The following TLE6 variants were observed in gnomAD, a reference collection of about 807,000 sequenced individuals.
TLE6 encodes the protein transducin-like enhancer protein 6.
A neutral mutation model predicts 77.1 loss-of-function variants in TLE6; 72 were observed. The ratio of observed to expected loss-of-function variants is 0.93; its 90% CI spans 0.77 to 1.14. TLE6 has a LOEUF of 1.14. Among genes scored for constraint, TLE6 ranks in the 50% most tolerant of loss-of-function variants. The probability of loss-of-function intolerance (pLI) is 0.00; values close to 1 mark genes in which losing one functional copy is unlikely to be tolerated. For missense variants in TLE6, 843 were observed against 747.6 expected (o/e 1.13, Z -1.49); for synonymous variants, 366 against 287.3 (o/e 1.27, Z -2.77).
At chr19:2,988,062 G>C in intron 10 of TLE6, 29 bp from the exon 11 acceptor site, 1 of 1,555,058 alleles carries the variant, frequency 6.4e-7, no homozygotes, top group African/African-American at 1.4e-5. Flanking sequence ...GGGGAGGCTG[G>C]GGGCAGCTGT....
intron 14 of TLE6, among the ~76,000 whole-genome samples, chr19:2,992,276 G>A (rs548716957): frequency 2.6e-5 from 4 of 151,990 alleles, no homozygotes; most frequent in Non-Finnish European, 2.9e-5. Flanking sequence ...AGTTCAAGAC[G>A]AGCCTGACCA....
intron 14 of TLE6, 54 bp downstream of exon 14, chr19:2,992,038 TA>T (rs1419275497): frequency 1.9e-6 from 3 of 1,596,700 alleles, no homozygotes; most frequent in Non-Finnish European, 2.6e-6. Flanking sequence ...GTCCTCAGAT[TA>T]AAAAATGAGG....
chr19:2,991,006 T>TTACATACATACA (rs200186447), intron 13 of TLE6, among the ~76,000 whole-genome samples: 197 of 103,144 alleles, frequency 1.9e-3, no homozygotes, highest in African/African-American at 5.9e-3. Flanking sequence ...AAAAAAAATT[T>TTACATACATACA]TACATACATA....
intron 13 of TLE6, 96 bp downstream of exon 13, chr19:2,989,881 C>T: frequency 6.6e-7 from 1 of 1,525,224 alleles, no homozygotes; most frequent in Non-Finnish European, 8.9e-7. Context: ...CGCCTTCCTG[C>T]CACCTCCTGA....
rs752294085 is a variant in TLE6, at chr19:2,989,502, G to T, written c.994-33G>T. 6 of 1,594,444 alleles carry T rather than the reference G, an allele frequency of 3.8e-6. No homozygotes were observed. The African/African-American group carries it at 5.4e-5, about 14-fold the overall frequency. Reference sequence around the variant, plus strand: ...GCAGTCCAGGCAGAATGCCACGGGGGGCGACAGCTCACAGTGACTCTGCCC... The same window carrying T: ...GCAGTCCAGGCAGAATGCCACGGGGTGCGACAGCTCACAGTGACTCTGCCC... On this transcript the variant is annotated intron_variant, in intron 12 of 16. Transcript: ENST00000246112.
intron 8 of TLE6, 122 bp from the exon 9 acceptor site, chr19:2,987,586 TCTCTCTGCAACTCTGC>T (rs888660029): frequency 2.6e-6 from 3 of 1,145,546 alleles, no homozygotes; most frequent in Admixed American, 3.8e-5. Flanking sequence ...ACCCTGACTC[TCTCTCTGCAACTCTGC>T]CTGGACCCGC....
At chr19:2,988,483 A>T (rs1318410480) in intron 11 of TLE6, among the ~76,000 whole-genome samples, 5 of 152,106 alleles carry the variant, frequency 3.3e-5, no homozygotes, top group Admixed American at 1.3e-4. Flanking sequence ...CTTTAGTCCC[A>T]GCTACTCGGG....
chr19:2,993,428 C>A lies in TLE6; in HGVS notation c.1387-4C>A. ...TTCCTCCCTCCCCACTGCCCATTAC[C>A]TAGATAATGAGCCTGTCCCACAGCC... is the stretch of plus-strand genomic sequence containing the variant. On this transcript the variant is annotated splice_polypyrimidine_tract_variant and splice_region_variant and intron_variant, in intron 14 of 16. Transcript: ENST00000246112. 6.2e-7 allele frequency: 1 copy of A among 1,600,154 alleles called. No individual in the cohort carries two copies.
intron 14 of TLE6, among the ~76,000 whole-genome samples, chr19:2,992,512 TG>T (rs1338705159): frequency 6.6e-6 from 1 of 152,048 alleles, no homozygotes; most frequent in Non-Finnish European, 1.5e-5. Flanking sequence ...GGCGTATGCC[TG>T]CAATCCCACC....
Position 2,989,726 on chromosome 19 carries a change from C to T in TLE6, c.1185C>T (p.Phe395=), listed in dbSNP as rs765998673. ...CCAACCTGGATGCCAACCTGGCCTT[C>T]GCCAGCTTCACCAGTGGTGTGGTCA... ...LDANLDANLA[F]ASFTSGVVRI... The change falls in exon 13 of 17, where the codon TTC becomes TTT. Residue 395 remains phenylalanine, a synonymous_variant. Transcript: ENST00000246112. The T allele has an allele frequency of 5.6e-6, 9 of 1,614,210 alleles. No homozygotes were observed. The highest frequency in any genetic ancestry group is 1.6e-4 in the Middle Eastern group (1 of 6,062).
chr19:2,982,834 G>A (rs556685389), intron 5 of TLE6, among the ~76,000 whole-genome samples: 1 of 152,278 alleles, frequency 6.6e-6, no homozygotes, highest in African/African-American at 2.4e-5. Context: ...ATGACCCTTT[G>A]CCGGTCAGTT....
At chr19:2,994,218 T>C in intron 16 of TLE6, 123 bp downstream of exon 16, 2 of 754,186 alleles carry the variant, frequency 2.7e-6, no homozygotes, top group South Asian at 3.7e-5. Flanking sequence ...GCTCACGGCT[T>C]TAATCCCAGC....
rs762295089 is a variant in TLE6 at position 2,987,046 on chromosome 19, G to A, written c.349G>A (p.Glu117Lys). The change falls in exon 7 of 17, where the codon GAG becomes AAG. Residue 117 changes from glutamate (E) to lysine (K), a missense_variant. By Grantham distance (56) the Glu-to-Lys change is moderately conservative. Transcript: ENST00000246112. ...GCAGGTGAAGGACAAGACCCTGCAG[G>A]AGTCGAGCTTTGAGGACATCATGGC... ...PQQVKDKTLQ[E>K]SSFEDIMATR... The A allele has an allele frequency of 4.3e-5, 70 of 1,614,032 alleles. No homozygotes were observed. The South Asian group carries it at 7.2e-4, about 17-fold the overall frequency.
At chr19:2,991,744 G>T in intron 13 of TLE6, 99 bp from the exon 14 acceptor site, 1 of 1,193,096 alleles carries the variant, frequency 8.4e-7, no homozygotes, top group Non-Finnish European at 1.2e-6. Context: ...TTGGGTGGTG[G>T]CACTGTCCCT....
At chr19:2,981,114 T>C (rs1018230058) in intron 3 of TLE6, among the ~76,000 whole-genome samples, 1 of 151,752 alleles carries the variant, frequency 6.6e-6, no homozygotes, top group Non-Finnish European at 1.5e-5. Context: ...ATCCCAGCAC[T>C]TTGGGAGGCC....
At chr19:2,988,184 C>T (rs568273134) in intron 11 of TLE6, 56 bp downstream of exon 11, 3 of 1,506,412 alleles carry the variant, frequency 2.0e-6, no homozygotes, top group Non-Finnish European at 2.7e-6. Context: ...GGAATTCCTT[C>T]CTGTCTATAC....
chr19:2,993,774 C>T (rs900423287), intron 15 of TLE6, among the ~76,000 whole-genome samples, 192 bp downstream of exon 15: 37 of 151,924 alleles, frequency 2.4e-4, no homozygotes, highest in Non-Finnish European at 4.4e-4. Context: ...CCTTCCTCCC[C>T]ACCCGCCCCA....
At position 2,989,615 on chromosome 19, in the gene TLE6, C is replaced by T. The variant is rs533137844; in HGVS notation, c.1074C>T (p.Ser358=). 1.4e-5 allele frequency: 23 copies of T among 1,614,034 alleles called. No individual in the cohort carries two copies. The East Asian group carries it at 1.6e-4, about 11-fold the overall frequency. Residue 358 remains serine (S), a synonymous_variant, in exon 13 of 17, where the codon AGC becomes AGT. Transcript: ENST00000246112. ...TCACCGGTGGCTACAACCTGGCCAGCGTGAGCGTGTGGGACCTGGCGGCGC... is the reference window on the plus strand; with the variant it reads ...TCACCGGTGGCTACAACCTGGCCAGTGTGAGCGTGTGGGACCTGGCGGCGC... ...SLLTGGYNLA[S]VSVWDLAAPS...
intron 5 of TLE6, among the ~76,000 whole-genome samples, chr19:2,982,535 CAAAAAAAAA>C (rs1200316710): frequency 2.4e-5 from 1 of 41,840 alleles, no homozygotes; most frequent in Non-Finnish European, 5.0e-5. Context: ...GACTCTGTCT[CAAAAAAAAA>C]AAAAAAAAAA....
Sources: gnomAD v4.1 joint callset for allele counts (sites outside exome capture counted in the v4.1 genomes callset) on GRCh38, gnomAD v4.1.1 for gene constraint, MANE v1.5 for transcripts, NCBI Gene and HGNC (gene_info 2026-07-23, HGNC 2026-07-21) for gene names.